The following GADL1 variants were observed in gnomAD, a reference collection of about 807,000 sequenced individuals.
GADL1 encodes the protein GAD like acidic amino acid decarboxylase 1.
GADL1 carries 71 observed loss-of-function variants against 69.5 expected under a neutral mutation model. The ratio of observed to expected loss-of-function variants is 1.02; its 90% CI spans 0.84 to 1.25. The LOEUF is 1.25. Among genes scored for constraint, GADL1 ranks in the 50% most tolerant of loss-of-function variants. The pLI, the probability that GADL1 is intolerant of heterozygous loss-of-function variation, is 0.00. For missense variants in GADL1, 737 were observed against 631.8 expected (o/e 1.17, Z -1.79); for synonymous variants, 254 against 214.4 (o/e 1.18, Z -1.62).
At chr3:30,795,079 A>G (rs1319981307) in intron 12 of GADL1, among the ~76,000 whole-genome samples, 1 of 152,186 alleles carries the variant, frequency 6.6e-6, no homozygotes, top group Non-Finnish European at 1.5e-5. Context: ...CATCACGTGC[A>G]GCTTTACTTT....
chr3:30,826,032 A>AC (rs1697676215), intron 11 of GADL1, among the ~76,000 whole-genome samples: 1 of 151,900 alleles, frequency 6.6e-6, no homozygotes, highest in Non-Finnish European at 1.5e-5. Context: ...ATTCTAGCCT[A>AC]CCTGAAGCAG....
intron 11 of GADL1, among the ~76,000 whole-genome samples, chr3:30,827,618 G>A (rs1159813515): frequency 6.6e-6 from 1 of 151,894 alleles, no homozygotes; most frequent in Non-Finnish European, 1.5e-5. Context: ...AAAGAAAGCA[G>A]AAATGACAGA....
intron 12 of GADL1, among the ~76,000 whole-genome samples, chr3:30,789,533 T>C (rs1696869534): frequency 6.6e-6 from 1 of 152,210 alleles, no homozygotes; most frequent in Non-Finnish European, 1.5e-5. Flanking sequence ...ATTCAGCCTG[T>C]CTTTGAAGCT....
At chr3:30,755,331 G>C (rs1695942306) in intron 14 of GADL1, among the ~76,000 whole-genome samples, 1 of 151,850 alleles carries the variant, frequency 6.6e-6, no homozygotes, top group African/African-American at 2.4e-5. Context: ...ACAATAAATG[G>C]AGAGTTCCAA....
At chr3:30,770,666 C>T (rs974819192) in intron 14 of GADL1, among the ~76,000 whole-genome samples, 1 of 152,104 alleles carries the variant, frequency 6.6e-6, no homozygotes, top group African/African-American at 2.4e-5. Context: ...GGCCCATGAG[C>T]TCAGAGAACT....
chr3:30,842,302 T>C lies in GADL1; in HGVS notation c.786+1908A>G, dbSNP rs143965395. The stretch of plus-strand genomic sequence containing the variant: ...AGCAAGTACGTATCCTTCATAAATA[T>C]ACTCAACTATTTATAGATCAAATGG... On this transcript the variant is annotated intron_variant, in intron 8 of 14. Coordinates refer to ENST00000282538, the MANE Select transcript of GADL1 (RefSeq NM_207359.3). 9.8e-3 allele frequency among the ~76,000 whole-genome samples: 1,488 copies of C among 152,238 alleles called. 21 individuals carry two copies. The highest frequency in any genetic ancestry group is 0.034 in the African/African-American group (1,409 of 41,512).
At chr3:30,731,055 A>C (rs1695450282) in intron 14 of GADL1, among the ~76,000 whole-genome samples, 1 of 152,208 alleles carries the variant, frequency 6.6e-6, no homozygotes, top group African/African-American at 2.4e-5. Context: ...TCTGAATGCA[A>C]ACTGTGAGAA....
At chr3:30,863,047 A>ACACACACACACACT (rs1698344136) in intron 1 of GADL1, among the ~76,000 whole-genome samples, 1 of 149,692 alleles carries the variant, frequency 6.7e-6, no homozygotes, top group African/African-American at 2.4e-5. Context: ...ACACACACAC[A>ACACACACACACACT]CACACACTCT....
chr3:30,746,327 T>C (rs1312631553), intron 14 of GADL1, among the ~76,000 whole-genome samples: 1 of 152,140 alleles, frequency 6.6e-6, no homozygotes, highest in Non-Finnish European at 1.5e-5. Context: ...TTACACACTT[T>C]AAGGTACCAC....
chr3:30,848,646 CAAG>C (rs1304161534), intron 6 of GADL1, among the ~76,000 whole-genome samples: 1 of 152,004 alleles, frequency 6.6e-6, no homozygotes, highest in Non-Finnish European at 1.5e-5. Flanking sequence ...TAGAATCACA[CAAG>C]AATAGGAAAG....
intron 12 of GADL1, among the ~76,000 whole-genome samples, chr3:30,794,859 TA>T: frequency 6.6e-6 from 1 of 152,176 alleles, no homozygotes; most frequent in East Asian, 1.9e-4. Flanking sequence ...TTAGTCAATA[TA>T]AAAACTTCAA....
intron 14 of GADL1, among the ~76,000 whole-genome samples, chr3:30,758,040 G>A (rs916299150): frequency 6.6e-5 from 10 of 152,064 alleles, no homozygotes; most frequent in South Asian, 2.1e-4. Context: ...TTTTATAGAC[G>A]AAACTTCTCA....
intron 1 of GADL1, among the ~76,000 whole-genome samples, chr3:30,886,158 A>C (rs969009602): frequency 6.6e-6 from 1 of 152,196 alleles, no homozygotes; most frequent in Non-Finnish European, 1.5e-5. Flanking sequence ...ATCAATTTTT[A>C]CCAATCATTA....
chr3:30,744,251 C>T (rs1695668036), intron 14 of GADL1, among the ~76,000 whole-genome samples: 2 of 152,096 alleles, frequency 1.3e-5, no homozygotes, highest in African/African-American at 4.8e-5. Context: ...TATTCAAAGC[C>T]CCCAAACCCT....
At chr3:30,801,230 A>G in intron 11 of GADL1, 142 bp from the exon 12 acceptor site, 1 of 638,616 alleles carries the variant, frequency 1.6e-6, no homozygotes, top group East Asian at 2.7e-5. Context: ...ATCAGACACA[A>G]TCAGTGTACA....
At chr3:30,799,208 T>C (rs953672703) in intron 12 of GADL1, 8 of 152,272 alleles carry the variant, frequency 5.3e-5, no homozygotes, top group African/African-American at 1.9e-4. Context: ...AGGGTCTCCA[T>C]GAGGGCCCCC....
At chr3:30,759,289 TAGCC>T (rs1256405254) in intron 14 of GADL1, among the ~76,000 whole-genome samples, 2 of 151,966 alleles carry the variant, frequency 1.3e-5, no homozygotes, top group Admixed American at 6.5e-5. Flanking sequence ...CTTCCAAAAT[TAGCC>T]AGAGTATATT....
chr3:30,876,415 G>T (rs1330911494), intron 1 of GADL1, among the ~76,000 whole-genome samples: 8 of 96,262 alleles, frequency 8.3e-5, no homozygotes, highest in Non-Finnish European at 1.5e-4. Flanking sequence ...TATTTCTATG[G>T]TGTAAAGACG....
chr3:30,816,839 C>T (rs373876504), intron 11 of GADL1, among the ~76,000 whole-genome samples: 2 of 152,086 alleles, frequency 1.3e-5, no homozygotes, highest in African/African-American at 4.8e-5. Flanking sequence ...AGCTACCACA[C>T]CTGGCCCACA....
Sources: gnomAD v4.1 joint callset for allele counts (sites outside exome capture counted in the v4.1 genomes callset) on GRCh38, gnomAD v4.1.1 for gene constraint, MANE v1.5 for transcripts, NCBI Gene and HGNC (gene_info 2026-07-23, HGNC 2026-07-21) for gene names.